COL27A1: variants seen among roughly 807,000 people sequenced by gnomAD.
COL27A1 encodes the protein collagen type XXVII alpha 1 chain.
COL27A1 carries 106 observed loss-of-function variants against 251.3 expected under a neutral mutation model. The ratio of observed to expected loss-of-function variants is 0.42; its 90% confidence interval spans 0.36 to 0.50. The LOEUF (loss-of-function observed/expected upper bound fraction) is 0.50. Ranked by LOEUF, COL27A1 falls within the 20% of genes least tolerant of loss-of-function variation. COL27A1 has a pLI of 0.00. For synonymous variants in COL27A1, 1,000 were observed against 986.3 expected, an observed-to-expected ratio of 1.01 and a Z score of -0.26; for missense variants, 2,325 against 2,522.8, an observed-to-expected ratio of 0.92 and a Z score of 1.68.
At chr9:114,284,198 G>A (rs1023927457) in intron 40 of COL27A1, among the ~76,000 whole-genome samples, 1 of 152,224 alleles carries the variant, frequency 6.6e-6, no homozygotes, top group African/African-American at 2.4e-5. Context: ...AGGATAAAGA[G>A]CATGCACGAG....
rs140034046 is a variant in COL27A1 at position 114,255,294 on chromosome 9, G to A, written c.3141+2362G>A. Among the ~76,000 whole-genome samples the A allele has an allele frequency of 2.1e-3, 326 of 152,250 alleles. 1 individual carries two copies. The highest frequency in any genetic ancestry group is 6.8e-3 in the Middle Eastern group (2 of 294). ...CACCCAGCTTGGAATGCAAGGGCCC[G>A]GCCTCCCTCCCAGTGGTCAGAGATA... On this transcript the variant is annotated intron_variant, in intron 27 of 60. Coordinates refer to ENST00000356083, the MANE Select transcript of COL27A1 (RefSeq NM_032888.4).
intron 5 of COL27A1, among the ~76,000 whole-genome samples, chr9:114,189,420 C>T (rs973076391): frequency 7.9e-5 from 12 of 152,098 alleles, no homozygotes; most frequent in Admixed American, 2.6e-4. Flanking sequence ...ATGACATTTA[C>T]TATCTTTATT....
rs183691889 is a variant in COL27A1, at chr9:114,250,664, A to G, written c.3029A>G (p.Glu1010Gly). ...GLVGEPGIVG[E>G]KGDRGMMGPP... The stretch of plus-strand genomic sequence containing the variant: ...GTCGGGGAGCCAGGAATCGTGGGAG[A>G]AAAGGTAAGTGGTGTTGAGGGGAAA... Residue 1010 changes from glutamate to glycine, a missense_variant, in exon 25 of 61, where the codon GAA becomes GGA. Glu to Gly is a moderately conservative substitution (Grantham distance 98, BLOSUM62 -2). This residue lies in a region of COL27A1 where 662 missense variants were observed against 795.3 expected (regional missense o/e 0.83). Transcript: ENST00000356083. 33 of 1,611,364 alleles carry G rather than the reference A, an allele frequency of 2.0e-5. No homozygotes were observed. In the Admixed American group the frequency reaches 4.8e-4, roughly 24 times the overall value.
chr9:114,198,884 T>C (rs1047349967), intron 7 of COL27A1, among the ~76,000 whole-genome samples: 2 of 152,168 alleles, frequency 1.3e-5, no homozygotes, highest in Non-Finnish European at 2.9e-5. Context: ...GGGCCTCAGC[T>C]GCCTCATGAG....
At chr9:114,200,055 G>A (rs1248527114) in intron 7 of COL27A1, among the ~76,000 whole-genome samples, 1 of 152,180 alleles carries the variant, frequency 6.6e-6, no homozygotes, top group Non-Finnish European at 1.5e-5. Context: ...ATCCGTGGAA[G>A]CTGTAATAAA....
chr9:114,307,797 A>G lies in COL27A1; in HGVS notation c.5217+19A>G. 5 of 1,568,292 alleles carry G rather than the reference A, an allele frequency of 3.2e-6. No homozygotes were observed. The highest frequency in any genetic ancestry group is 4.4e-6 in the Non-Finnish European group (5 of 1,140,282). ...CTCCAAGGTACCCATCAGCTCCCAC[A>G]CTGCCCACCAGGCTGTCTGCCTCTA... On this transcript the variant is annotated intron_variant, in intron 59 of 60. Coordinates refer to ENST00000356083, the MANE Select transcript of COL27A1 (RefSeq NM_032888.4).
At chr9:114,194,138 G>A (rs772414677) in intron 5 of COL27A1, among the ~76,000 whole-genome samples, 1 of 152,290 alleles carries the variant, frequency 6.6e-6, no homozygotes, top group African/African-American at 2.4e-5. Flanking sequence ...GTCTAGATAG[G>A]GTGCCTGGGA....
At chr9:114,249,694 G>A (rs1458250990) in intron 24 of COL27A1, among the ~76,000 whole-genome samples, 1 of 152,154 alleles carries the variant, frequency 6.6e-6, no homozygotes, top group Admixed American at 6.5e-5. Flanking sequence ...GCCTATTCCT[G>A]GCCCAAGGTC....
rs201732921 is a variant in COL27A1, at chr9:114,290,283, C to T, written c.4320C>T (p.Ile1440=). The T allele has an allele frequency of 4.7e-4, 748 of 1,582,268 alleles. 1 individual carries two copies. The highest frequency in any genetic ancestry group is 6.2e-4 in the Non-Finnish European group (719 of 1,164,296). Residue 1440 remains isoleucine (I), a synonymous_variant, in exon 47 of 61, where the codon ATC becomes ATT. Transcript: ENST00000356083. The surrounding 1 kb of genome is among the most constrained non-coding windows in gnomAD (Gnocchi z 4.6). The part of the protein sequence containing the change: ...GVVGRQGLEG[I]AGPDGLPGRD... ...TGGGGAGACAGGGCCTCGAGGGCAT[C>T]GCTGGACCAGATGGGCTTCCTGGCA...
In COL27A1 at chr9:114,168,853, C is replaced by T; in HGVS notation, c.1298C>T (p.Pro433Leu). The change falls in exon 3 of 61, where the codon CCC becomes CTC. Residue 433 changes from proline (P) to leucine (L), a missense_variant. Pro to Leu is a moderately conservative substitution (Grantham distance 98, BLOSUM62 -3). Transcript: ENST00000356083. ...EKPIQRNPGMPRPPPPSTRPL... is the reference protein window; with the variant it reads ...EKPIQRNPGMLRPPPPSTRPL... ...CCCATCCAGAGGAACCCGGGAATGC[C>T]CAGGCCCCCACCGCCCAGCACCCGG... 1 of 1,614,020 alleles carries T rather than the reference C, an allele frequency of 6.2e-7. No individual in the cohort carries two copies. Among genetic ancestry groups the T allele is most frequent in the Non-Finnish European group, 8.5e-7 (1 of 1,180,008 alleles).
At chr9:114,166,444 T>TCCATCCATCC (rs1848892229) in intron 2 of COL27A1, among the ~76,000 whole-genome samples, 6 of 140,858 alleles carry the variant, frequency 4.3e-5, no homozygotes, top group African/African-American at 1.7e-4. Flanking sequence ...TCCATTCATC[T>TCCATCCATCC]ATCCATCCAT....
chr9:114,213,922 G>T lies in COL27A1; in HGVS notation c.2367+2896G>T, dbSNP rs181006365. Among the ~76,000 whole-genome samples the T allele has an allele frequency of 6.8e-4, 103 of 152,314 alleles. 1 individual carries two copies. In the Middle Eastern group the frequency reaches 0.024, roughly 35 times the overall value. On this transcript the variant is annotated intron_variant, in intron 12 of 60. Transcript: ENST00000356083. ...AGGCGTGTTGTTCCCTGGCACTGGG[G>T]TGTCAGATGTGGGTGGAGGGAAACA...
chr9:114,180,564 A>AT (rs1827822950), intron 4 of COL27A1, among the ~76,000 whole-genome samples: 1 of 152,200 alleles, frequency 6.6e-6, no homozygotes, highest in South Asian at 2.1e-4. Context: ...TCCAAAGATA[A>AT]TAGAATGCTG....
At chr9:114,182,424 G>A (rs1312220131) in intron 4 of COL27A1, among the ~76,000 whole-genome samples, 6 of 151,518 alleles carry the variant, frequency 4.0e-5, no homozygotes, top group African/African-American at 1.2e-4. Context: ...AGGGTTCCCC[G>A]GAGGAGATGG....
At chr9:114,277,860 AC>A (rs935100602) in intron 37 of COL27A1, among the ~76,000 whole-genome samples, 1 of 151,956 alleles carries the variant, frequency 6.6e-6, no homozygotes, top group Non-Finnish European at 1.5e-5. Flanking sequence ...CGTTCTAGGG[AC>A]CCTTTTTTAG....
In COL27A1 at chr9:114,166,368, A is replaced by AATCCATCCATCCATCCGTCCATCCATCC. The variant is rs1848865526; in HGVS notation, c.134-1305_134-1304insGTCCATCCATCCATCCATCCATCCATCC. Among the ~76,000 whole-genome samples the AATCCATCCATCCATCCGTCCATCCATCC allele has an allele frequency of 1.3e-3, 49 of 37,140 alleles. No individual in the cohort carries two copies. The East Asian group carries it at 0.029, about 22-fold the overall frequency. 24.4% of individuals were successfully genotyped at this position (37,140 alleles called of 152,430 possible). ...TCATGCATCCATGTATCCATCCATC[A>AATCCATCCATCCATCCGTCCATCCATCC]ATCCATCCATCCATCCATCCATCCA... On this transcript the variant is annotated intron_variant, in intron 2 of 60. Coordinates refer to ENST00000356083, the MANE Select transcript of COL27A1 (RefSeq NM_032888.4).
intron 28 of COL27A1, among the ~76,000 whole-genome samples, chr9:114,263,059 C>T (rs988701088): frequency 2.6e-5 from 4 of 151,410 alleles, no homozygotes; most frequent in African/African-American, 9.7e-5. Flanking sequence ...CTACTTCAGC[C>T]GCCTGAGTAG....
At chr9:114,276,214 C>T (rs575944394) in intron 37 of COL27A1, among the ~76,000 whole-genome samples, 1 of 152,370 alleles carries the variant, frequency 6.6e-6, no homozygotes, top group East Asian at 1.9e-4. Context: ...ATTCCTGCCC[C>T]CAGGCTGGGC....
chr9:114,215,867 G>A (rs1344530860), intron 12 of COL27A1, among the ~76,000 whole-genome samples: 1 of 152,204 alleles, frequency 6.6e-6, no homozygotes, highest in Non-Finnish European at 1.5e-5. Flanking sequence ...GCCCAGCCCT[G>A]CCAGGTGAGT....
Sources: gnomAD v4.1 joint callset for allele counts (sites outside exome capture counted in the v4.1 genomes callset) on GRCh38, gnomAD v4.1.1 for gene constraint, gnomAD v4.1.1 regional missense constraint, Gnocchi (gnomAD v3.1) non-coding constraint, MANE v1.5 for transcripts, NCBI Gene and HGNC (gene_info 2026-07-23, HGNC 2026-07-21) for gene names.